The following NPLOC4 variants were observed in gnomAD, a reference collection of about 807,000 sequenced individuals.
The protein encoded by NPLOC4 is NPL4 homolog, ubiquitin recognition factor.
Under a neutral mutation model 80.6 loss-of-function variants are expected in NPLOC4, and 18 were observed. The ratio of observed to expected loss-of-function variants is 0.22; its 90% CI spans 0.15 to 0.33. NPLOC4 has a LOEUF of 0.33. Ranked by LOEUF, NPLOC4 falls within the 10% of genes least tolerant of loss-of-function variation. The probability of loss-of-function intolerance (pLI) is 1.00; values close to 1 mark genes in which losing one functional copy is unlikely to be tolerated. For missense variants in NPLOC4, 540 were observed against 786.1 expected, an observed-to-expected ratio of 0.69 and a Z score of 3.74; for synonymous variants, 313 against 301.5, an observed-to-expected ratio of 1.04 and a Z score of -0.39.
At chr17:81,621,641 G>C (rs2035670328) in intron 3 of NPLOC4, among the ~76,000 whole-genome samples, 1 of 152,200 alleles carries the variant, frequency 6.6e-6, no homozygotes, top group African/African-American at 2.4e-5. Context: ...CTCTGCCCTT[G>C]TAACATGAAA....
At chr17:81,606,640 A>G (rs953097893) in intron 7 of NPLOC4, 51 bp downstream of exon 7, 2 of 1,586,528 alleles carry the variant, frequency 1.3e-6, no homozygotes, top group African/African-American at 2.7e-5. Context: ...TTCTGGAAAT[A>G]TCCGTTTCTC....
At chr17:81,585,296 T>C (rs1009046132) in intron 12 of NPLOC4, among the ~76,000 whole-genome samples, 1 of 147,896 alleles carries the variant, frequency 6.8e-6, no homozygotes, top group African/African-American at 2.5e-5. Flanking sequence ...CAGAGAAGCA[T>C]CAAAGATTAA....
intron 12 of NPLOC4, among the ~76,000 whole-genome samples, chr17:81,573,932 G>A (rs534613392): frequency 2.0e-5 from 3 of 152,192 alleles, no homozygotes; most frequent in Non-Finnish European, 4.4e-5. Context: ...CTCCTTCCAC[G>A]TGACGAGTGG....
chr17:81,559,923 T>C (rs1331552642), intron 16 of NPLOC4, among the ~76,000 whole-genome samples: 4 of 151,472 alleles, frequency 2.6e-5, no homozygotes, highest in Non-Finnish European at 5.9e-5. Flanking sequence ...TTGGTAGAAC[T>C]AGGGTTTCAC....
chr17:81,600,288 T>G (rs2035029148), intron 9 of NPLOC4, 53 bp downstream of exon 9: 3 of 1,342,456 alleles, frequency 2.2e-6, no homozygotes, highest in African/African-American at 1.4e-5. Flanking sequence ...CTGGCCTGGA[T>G]GCCCAACAGA....
chr17:81,584,682 AG>A (rs2034529303), intron 12 of NPLOC4, among the ~76,000 whole-genome samples: 1 of 152,214 alleles, frequency 6.6e-6, no homozygotes. Context: ...AATAATACTG[AG>A]GAACAGATAG....
intron 3 of NPLOC4, among the ~76,000 whole-genome samples, chr17:81,618,610 C>T (rs1440029541): frequency 2.3e-4 from 34 of 146,022 alleles, no homozygotes; most frequent in Non-Finnish European, 4.1e-4. Context: ...CCCAGCCAGC[C>T]GCCCGTCTGG....
chr17:81,632,211 G>T (rs1234176246), intron 1 of NPLOC4, among the ~76,000 whole-genome samples: 1 of 152,066 alleles, frequency 6.6e-6, no homozygotes, highest in East Asian at 1.9e-4. Flanking sequence ...CCTACCTCAG[G>T]TGATCCACCT....
At chr17:81,589,868 A>G (rs1019883378) in intron 11 of NPLOC4, among the ~76,000 whole-genome samples, 14 of 149,488 alleles carry the variant, frequency 9.4e-5, no homozygotes, top group Non-Finnish European at 1.6e-4. Flanking sequence ...AAAAAAAAAG[A>G]TTGTTAAACA....
rs770593213 is a variant in NPLOC4 at position 81,572,105 on chromosome 17, G to A, written c.1282-17C>T. 2.5e-6 allele frequency: 4 copies of A among 1,585,016 alleles called. No individual in the cohort carries two copies. The Admixed American group carries it at 6.8e-5, about 27-fold the overall frequency. ...GTCTACGTCCTGCAATAGTCAGAGG[G>A]GAACAGCGGTGAGCAAAGACGATCA... On this transcript the variant is annotated splice_polypyrimidine_tract_variant and intron_variant, in intron 12 of 16. Transcript: ENST00000331134. The surrounding 1 kb of genome is among the most constrained non-coding windows in gnomAD (Gnocchi z 4.5).
At chr17:81,618,182 G>T (rs1163297801) in intron 3 of NPLOC4, among the ~76,000 whole-genome samples, 44 of 151,584 alleles carry the variant, frequency 2.9e-4, no homozygotes, top group African/African-American at 9.9e-4. Context: ...GAGCGTCTCT[G>T]CCCGGCCGCC....
At chr17:81,612,696 G>A (rs1471103746) in intron 4 of NPLOC4, 1 of 149,184 alleles carries the variant, frequency 6.7e-6, no homozygotes, top group African/African-American at 2.5e-5. Flanking sequence ...CCTTCTCACT[G>A]GTTTATTTAA....
chr17:81,627,007 T>C (rs1029768675), intron 2 of NPLOC4, among the ~76,000 whole-genome samples: 1 of 144,398 alleles, frequency 6.9e-6, no homozygotes, highest in Non-Finnish European at 1.5e-5. Context: ...ACAGAATCAC[T>C]TGAACCCGGG....
chr17:81,593,803 T>C (rs933567577), intron 11 of NPLOC4, among the ~76,000 whole-genome samples: 3 of 151,988 alleles, frequency 2.0e-5, no homozygotes, highest in Admixed American at 6.6e-5. Flanking sequence ...GGGTGCCCAG[T>C]GCCCACTGCC....
Position 81,600,357 on chromosome 17 carries a change from T to C in NPLOC4, c.905A>G (p.Lys302Arg), listed in dbSNP as rs376992052. ...KAEVVDEIAA[K>R]LGLRKVGWIF... Reference sequence around the variant, plus strand: ...CCTCAGTACCTTCCGCAGGCCAAGTTTGGCAGCAATTTCATCGACCACTTC... The same window carrying C: ...CCTCAGTACCTTCCGCAGGCCAAGTCTGGCAGCAATTTCATCGACCACTTC... Residue 302 changes from lysine (K) to arginine (R), a missense_variant, in exon 9 of 17, where the codon AAA (lysine) becomes AGA (arginine). By Grantham distance (26) the Lys-to-Arg change is conservative (BLOSUM62 2). Coordinates refer to ENST00000331134, the MANE Select transcript of NPLOC4 (RefSeq NM_017921.4). 7.1e-5 allele frequency: 115 copies of C among 1,611,558 alleles called. No individual in the cohort carries two copies. Among genetic ancestry groups the C allele is most frequent in the Middle Eastern group, 1.7e-4 (1 of 6,050 alleles).
chr17:81,563,623 C>A, intron 16 of NPLOC4: 1 of 209,430 alleles, frequency 4.8e-6, no homozygotes, highest in Non-Finnish European at 9.8e-6. Flanking sequence ...ATTGTTAGAA[C>A]TGCATCAAAG....
At chr17:81,595,734 G>C (rs1472694179) in intron 11 of NPLOC4, among the ~76,000 whole-genome samples, 1 of 151,614 alleles carries the variant, frequency 6.6e-6, no homozygotes, top group Non-Finnish European at 1.5e-5. Context: ...TAAAGAGATG[G>C]GGTTTCGCTA....
At position 81,613,365 on chromosome 17, in the gene NPLOC4, G is replaced by A. The variant is rs374803495; in HGVS notation, c.339C>T (p.Tyr113=). The change falls in exon 4 of 17, where the codon TAC becomes TAT. Residue 113 remains tyrosine, a synonymous_variant. Transcript: ENST00000331134. ...AAATCTTCCCGTCCTGTTTGCTGAG[G>A]TACTGATCAATCTCATCCTCCACCA... The part of the protein sequence containing the change: ...PNVVEDEIDQ[Y]LSKQDGKIYR... The A allele has an allele frequency of 5.6e-6, 9 of 1,613,932 alleles. No individual in the cohort carries two copies. The highest frequency in any genetic ancestry group is 2.2e-5 in the South Asian group (2 of 91,072).
At chr17:81,611,892 G>A (rs1040197176) in intron 4 of NPLOC4, among the ~76,000 whole-genome samples, 7 of 149,932 alleles carry the variant, frequency 4.7e-5, no homozygotes, top group African/African-American at 1.2e-4. Flanking sequence ...CCGGGGGGAC[G>A]CAGCTGGCAG....
Sources: allele counts gnomAD v4.1 joint callset (sites outside exome capture counted in the v4.1 genomes callset), GRCh38; gene constraint gnomAD v4.1.1; non-coding constraint Gnocchi (gnomAD v3.1); transcripts MANE v1.5; gene names NCBI Gene and HGNC (gene_info 2026-07-23, HGNC 2026-07-21).